Variants in SHROOM2 observed in about 807,000 individuals in gnomAD.
SHROOM2 encodes the protein protein Shroom2.
Under a neutral mutation model 75.9 loss-of-function variants are expected in SHROOM2, and 33 were observed. The observed-to-expected ratio is 0.43, with a 90% confidence interval of 0.33 to 0.58. The LOEUF (loss-of-function observed/expected upper bound fraction) is 0.58, where lower values mean the gene tolerates loss of function less well. Ranked by LOEUF, SHROOM2 falls within the 20% of genes least tolerant of loss-of-function variation. The pLI, the probability that SHROOM2 is intolerant of heterozygous loss-of-function variation, is 0.04. For synonymous variants in SHROOM2, 655 were observed against 663.6 expected (o/e 0.99, Z 0.20); for missense variants, 1,434 against 1,461.2 (o/e 0.98, Z 0.30).
intron 1 of SHROOM2, among the ~76,000 whole-genome samples, chrX:9,863,378 G>C (rs2084115394): frequency 9.1e-6 from 1 of 110,456 alleles, no homozygotes; most frequent in Non-Finnish European, 1.9e-5. Flanking sequence ...CCCTTGGCCT[G>C]TGTGTCCATT....
rs5979214 is a variant in SHROOM2 at position 9,941,833 on chromosome X, T to A, written c.4311+2467T>A. On this transcript the variant is annotated intron_variant, in intron 8 of 9. Transcript: ENST00000380913. Reference sequence around the variant, plus strand: ...AAAAATACAAAAAATTAGCCAGGCGTGGTGGCGGGCGCCTGTAGTCCCAGC... The same window carrying A: ...AAAAATACAAAAAATTAGCCAGGCGAGGTGGCGGGCGCCTGTAGTCCCAGC... Among the ~76,000 whole-genome samples the A allele has an allele frequency of 6.8e-3, 735 of 108,164 alleles. 12 individuals are homozygous for A. Among genetic ancestry groups the A allele is most frequent in the African/African-American group, 0.023 (679 of 29,925 alleles). 93.9% of individuals were successfully genotyped at this position (108,164 alleles called of 115,157 possible).
rs781137149 is a variant in SHROOM2, at chrX:9,944,981, G to A, written c.4584+68G>A. ...GTGGGAAGGCTGTTTTTCAAGTGTC[G>A]TGAAAGTCAGCTCCTTGGAGCCTAG... On this transcript the variant is annotated intron_variant, in intron 9 of 9. Transcript: ENST00000380913. 47 of 1,078,260 alleles carry A rather than the reference G, an allele frequency of 4.4e-5. No homozygotes were observed. In the East Asian group the frequency reaches 5.9e-4, roughly 14 times the overall value. The allele number at this position is 1,078,260 out of a possible 1,213,427, so 88.9% of individuals were successfully genotyped here. A position where few individuals can be genotyped will look rare whatever the true frequency, so the allele number is the denominator to read the frequency against.
At chrX:9,875,110 A>AAAAAAAAAAAAAAAAAAAAAAAG (rs2084192753) in intron 2 of SHROOM2, among the ~76,000 whole-genome samples, 2 of 93,116 alleles carry the variant, frequency 2.1e-5, no homozygotes, top group Non-Finnish European at 4.2e-5. Flanking sequence ...AAAAAAAAAA[A>AAAAAAAAAAAAAAAAAAAAAAAG]GGGGAGGAAG....
At chrX:9,918,986 C>G (rs1421906929) in intron 5 of SHROOM2, among the ~76,000 whole-genome samples, 1 of 111,949 alleles carries the variant, frequency 8.9e-6, no homozygotes, top group African/African-American at 3.2e-5. Flanking sequence ...TCAGAAGGCC[C>G]GAGCACATCA....
At chrX:9,797,596 T>C (rs1489610698) in intron 1 of SHROOM2, among the ~76,000 whole-genome samples, 1 of 112,378 alleles carries the variant, frequency 8.9e-6, no homozygotes, top group African/African-American at 3.2e-5. Context: ...TGCACACTTA[T>C]TATATAAAAT....
chrX:9,932,922 C>T (rs1269912587), intron 6 of SHROOM2, 52 bp downstream of exon 6: 5 of 1,058,568 alleles, frequency 4.7e-6, no homozygotes, highest in Admixed American at 5.6e-5. Flanking sequence ...ATGTGGGACG[C>T]GGGTTCTCAG....
intron 1 of SHROOM2, among the ~76,000 whole-genome samples, chrX:9,829,501 A>G (rs764400327): frequency 2.7e-5 from 3 of 112,004 alleles, no homozygotes; most frequent in East Asian, 2.8e-4. Context: ...TGGAGTTCCA[A>G]TGATGCCCAA....
rs1338065041 is a variant in SHROOM2, at chrX:9,912,851, G to A, written c.2891+14561G>A. On this transcript the variant is annotated intron_variant, in intron 5 of 9. Coordinates refer to ENST00000380913, the MANE Select transcript of SHROOM2 (RefSeq NM_001649.4). ...CAAATCAGGGTGCAGATTCCGGCTC[G>A]AGCTCCACAGGCGTGCACGTATGTG... The A allele has an allele frequency of 4.5e-5, 5 of 112,311 alleles. No homozygotes were observed. The East Asian group carries it at 1.1e-3, about 25-fold the overall frequency. The allele number at this position is 112,311 out of a possible 1,213,427, so 9.3% of individuals were successfully genotyped here. A position where few individuals can be genotyped will look rare whatever the true frequency, so the allele number is the denominator to read the frequency against.
At chrX:9,946,273 G>A (rs998986065) in intron 9 of SHROOM2, among the ~76,000 whole-genome samples, 1 of 113,216 alleles carries the variant, frequency 8.8e-6, no homozygotes, top group East Asian at 2.8e-4. Context: ...GCTGTCCCAC[G>A]GTGTTCCCAT....
chrX:9,792,161 A>AATAG (rs1491434689), intron 1 of SHROOM2, among the ~76,000 whole-genome samples: 1 of 99,803 alleles, frequency 1.0e-5, no homozygotes, highest in Non-Finnish European at 2.0e-5. Context: ...GAATAGAATA[A>AATAG]TCACCAGTAT....
chrX:9,910,873 A>G (rs1197413883), intron 5 of SHROOM2, among the ~76,000 whole-genome samples: 1 of 109,692 alleles, frequency 9.1e-6, no homozygotes, highest in Non-Finnish European at 1.9e-5. Flanking sequence ...TGTAGAGACC[A>G]GGTCTTGCCA....
chrX:9,844,962 A>G lies in SHROOM2; in HGVS notation c.166-28690A>G, dbSNP rs112174187. Among the ~76,000 whole-genome samples, 5 of 111,486 alleles carry G rather than the reference A, an allele frequency of 4.5e-5. No individual in the cohort carries two copies. In the Admixed American group the frequency reaches 4.8e-4, roughly 11 times the overall value. ...GCCTACCATCACCTCCAATCTCCTG[A>G]TGCTGGATTTGCAAGTTAAAGTATT... On this transcript the variant is annotated intron_variant, in intron 1 of 9. Transcript: ENST00000380913.
chrX:9,915,250 A>G (rs2084479375), intron 5 of SHROOM2, among the ~76,000 whole-genome samples: 1 of 111,500 alleles, frequency 9.0e-6, no homozygotes, highest in Admixed American at 9.6e-5. Context: ...CAGGGACTCA[A>G]ATTTCCCTTC....
chrX:9,826,778 TAAAAAA>T (rs1406152223), intron 1 of SHROOM2, among the ~76,000 whole-genome samples: 6 of 111,677 alleles, frequency 5.4e-5, no homozygotes, highest in Non-Finnish European at 1.1e-4. Flanking sequence ...CCTGTCTCCA[TAAAAAA>T]GAAAAAGAAA....
In SHROOM2 at chrX:9,894,577, C is replaced by A; in HGVS notation, c.669C>A (p.Thr223=). Reference sequence around the variant, plus strand: ...CCAGCTCTAGCACTCCTGACCACACCTTGTCCAAAGCCGACACGTCCTCCG... The same window carrying A: ...CCAGCTCTAGCACTCCTGACCACACATTGTCCAAAGCCGACACGTCCTCCG... ...FSTSSSTPDH[T]LSKADTSSAE... Residue 223 remains threonine (T), a synonymous_variant, in exon 4 of 10, where the codon ACC becomes ACA. Transcript: ENST00000380913. 7 of 1,212,134 alleles carry A rather than the reference C, an allele frequency of 5.8e-6. No homozygotes were observed. The highest frequency in any genetic ancestry group is 6.7e-6 in the Non-Finnish European group (6 of 895,584).
chrX:9,928,423 GACACAA>G (rs2084615722), intron 5 of SHROOM2, among the ~76,000 whole-genome samples: 1 of 112,880 alleles, frequency 8.9e-6, no homozygotes, highest in African/African-American at 3.2e-5. Flanking sequence ...CTTGTGCGAA[GACACAA>G]AGTCTTAAGT....
intron 1 of SHROOM2, among the ~76,000 whole-genome samples, chrX:9,802,101 T>C (rs1241829303): frequency 9.0e-6 from 1 of 111,129 alleles, no homozygotes; most frequent in African/African-American, 3.3e-5. Context: ...CTTTTTTTTT[T>C]TCTTTTTTTA....
rs2084749665 is a variant in SHROOM2, at chrX:9,939,447, G to A, written c.4311+81G>A. 8.0e-6 allele frequency: 7 copies of A among 872,372 alleles called. No individual in the cohort carries two copies. In the Admixed American group the frequency reaches 9.8e-5, roughly 12 times the overall value. 71.9% of individuals were successfully genotyped at this position (872,372 alleles called of 1,213,427 possible). ...CCGGATCACACCATCCTGCCCCAGC[G>A]CAGACCCTGCACCACGTGTCCCAGG... On this transcript the variant is annotated intron_variant, in intron 8 of 9. Coordinates refer to ENST00000380913, the MANE Select transcript of SHROOM2 (RefSeq NM_001649.4).
chrX:9,937,777 G>T, intron 7 of SHROOM2, 92 bp downstream of exon 7: 1 of 838,718 alleles, frequency 1.2e-6, no homozygotes, highest in Non-Finnish European at 1.6e-6. Flanking sequence ...CTGTTTTCAT[G>T]CGTGCTTTTG....
Sources: gnomAD v4.1 joint callset for allele counts (sites outside exome capture counted in the v4.1 genomes callset) on GRCh38, gnomAD v4.1.1 for gene constraint, MANE v1.5 for transcripts, NCBI Gene and HGNC (gene_info 2026-07-23, HGNC 2026-07-21) for gene names.